Variants in AFF3 observed in about 807,000 individuals in gnomAD.
The protein encoded by AFF3 is ALF transcription elongation factor 3, also known as AF4/FMR2 family member 3.
A neutral mutation model predicts 129.7 loss-of-function variants in AFF3; 32 were observed. The observed-to-expected ratio is 0.25, with a 90% confidence interval of 0.19 to 0.33. AFF3 has a LOEUF of 0.33. Among genes scored for constraint, AFF3 ranks in the 10% least tolerant of loss-of-function variants. The probability of loss-of-function intolerance (pLI) is 1.00; values close to 1 mark genes in which losing one functional copy is unlikely to be tolerated. For missense variants in AFF3, 1,373 were observed against 1,592.0 expected (o/e 0.86, Z 2.34); for synonymous variants, 644 against 635.4 (o/e 1.01, Z -0.20).
intron 7 of AFF3, among the ~76,000 whole-genome samples, chr2:99,993,792 C>CT (rs751882272): frequency 0.025 from 1,812 of 72,576 alleles, 283 homozygotes; most frequent in East Asian, 0.089. Flanking sequence ...AACACTTTAT[C>CT]TTTTTTTTTT....
intron 1 of AFF3, among the ~76,000 whole-genome samples, chr2:100,141,589 T>G: frequency 6.6e-6 from 1 of 152,196 alleles, no homozygotes; most frequent in Admixed American, 6.5e-5. Context: ...CACTTGACCT[T>G]TAGCTACCTG....
At chr2:99,810,029 C>G (rs1686667083) in intron 8 of AFF3, among the ~76,000 whole-genome samples, 2 of 152,146 alleles carry the variant, frequency 1.3e-5, no homozygotes, top group South Asian at 4.1e-4. Context: ...TCTTCAACAC[C>G]TGCACTGGAC....
chr2:100,076,198 G>A (rs974982074), intron 4 of AFF3, among the ~76,000 whole-genome samples: 3 of 152,076 alleles, frequency 2.0e-5, no homozygotes, highest in African/African-American at 4.8e-5. Context: ...TGCTTCTCCC[G>A]AACTCTGCCT....
intron 24 of AFF3, among the ~76,000 whole-genome samples, chr2:99,552,932 TTTTC>T (rs1320954645): frequency 6.6e-6 from 1 of 152,200 alleles, no homozygotes; most frequent in African/African-American, 2.4e-5. Flanking sequence ...AGCGCTTTTC[TTTTC>T]TTTATTTTTT....
chr2:99,591,015 AT>A (rs148857646), intron 15 of AFF3, among the ~76,000 whole-genome samples: 62 of 147,804 alleles, frequency 4.2e-4, no homozygotes, highest in African/African-American at 7.7e-4. Flanking sequence ...AAAAAAAAAA[AT>A]TTTTTTTTCT....
At chr2:99,862,843 C>A (rs528631919) in intron 7 of AFF3, among the ~76,000 whole-genome samples, 2 of 152,228 alleles carry the variant, frequency 1.3e-5, no homozygotes, top group East Asian at 3.8e-4. Context: ...TCCTGTCCCT[C>A]TTTTATTAAG....
intron 4 of AFF3, among the ~76,000 whole-genome samples, chr2:100,103,126 G>A (rs1207355411): frequency 1.3e-5 from 2 of 152,176 alleles, no homozygotes; most frequent in Non-Finnish European, 2.9e-5. Context: ...TTTGTGTCCA[G>A]TTTATTTTGT....
At chr2:99,823,049 T>G (rs1258630485) in intron 8 of AFF3, among the ~76,000 whole-genome samples, 2 of 152,184 alleles carry the variant, frequency 1.3e-5, no homozygotes. Flanking sequence ...CTCCCCTTCA[T>G]GCTTTCCCTC....
chr2:99,556,132 G>C (rs1329908913), intron 22 of AFF3, among the ~76,000 whole-genome samples: 1 of 152,178 alleles, frequency 6.6e-6, no homozygotes. Flanking sequence ...GGGGGTTGCA[G>C]AAACAGTCCA....
intron 7 of AFF3, among the ~76,000 whole-genome samples, chr2:99,910,937 C>T (rs1323841898): frequency 6.6e-6 from 1 of 152,236 alleles, no homozygotes; most frequent in African/African-American, 2.4e-5. Context: ...AATTAAGACT[C>T]TACAATGCCT....
At chr2:99,659,577 G>C (rs906829288) in intron 12 of AFF3, among the ~76,000 whole-genome samples, 1 of 152,106 alleles carries the variant, frequency 6.6e-6, no homozygotes, top group South Asian at 2.1e-4. Flanking sequence ...TACAATTTTA[G>C]GGGAAAAAAT....
intron 7 of AFF3, among the ~76,000 whole-genome samples, chr2:99,948,300 G>A (rs1162097211): frequency 6.6e-6 from 1 of 152,060 alleles, no homozygotes; most frequent in African/African-American, 2.4e-5. Flanking sequence ...CTCAGTTCCT[G>A]CAAAACTCAC....
At chr2:99,682,190 A>G (rs1674599206) in intron 11 of AFF3, among the ~76,000 whole-genome samples, 1 of 152,116 alleles carries the variant, frequency 6.6e-6, no homozygotes, top group Admixed American at 6.6e-5. Context: ...TACAGGTGTG[A>G]GCCACCACAC....
chr2:100,129,520 A>T (rs1353560659), intron 1 of AFF3, among the ~76,000 whole-genome samples: 1 of 152,032 alleles, frequency 6.6e-6, no homozygotes, highest in Admixed American at 6.6e-5. Context: ...CCTGTGTTAC[A>T]TGCATGCTTT....
intron 11 of AFF3, among the ~76,000 whole-genome samples, chr2:99,720,671 T>C (rs1028969386): frequency 3.3e-5 from 5 of 152,226 alleles, no homozygotes; most frequent in African/African-American, 1.2e-4. Context: ...TTACTATTTT[T>C]CAATTTGTTT....
At chr2:99,621,592 G>T (rs1682020644) in intron 13 of AFF3, among the ~76,000 whole-genome samples, 1 of 152,208 alleles carries the variant, frequency 6.6e-6, no homozygotes, top group Admixed American at 6.5e-5. Flanking sequence ...GTGTGGTGGG[G>T]ACAGAAGGCA....
intron 4 of AFF3, among the ~76,000 whole-genome samples, chr2:100,071,323 T>C (rs1416095536): frequency 6.6e-6 from 1 of 152,186 alleles, no homozygotes; most frequent in Non-Finnish European, 1.5e-5. Context: ...GAGATATCTT[T>C]TACACGAAAG....
At chr2:100,033,023 T>C (rs1684633612) in intron 4 of AFF3, among the ~76,000 whole-genome samples, 1 of 152,236 alleles carries the variant, frequency 6.6e-6, no homozygotes, top group Admixed American at 6.5e-5. Flanking sequence ...TTTTCATACA[T>C]GTTTTGGAAT....
chr2:100,119,377 T>G (rs569836940), intron 2 of AFF3, among the ~76,000 whole-genome samples: 2 of 152,286 alleles, frequency 1.3e-5, no homozygotes, highest in East Asian at 3.9e-4. Context: ...TCCTGCTAAT[T>G]CCCACTGTTG....
Sources: allele counts gnomAD v4.1 joint callset (sites outside exome capture counted in the v4.1 genomes callset), GRCh38; gene constraint gnomAD v4.1.1; transcripts MANE v1.5; gene names NCBI Gene and HGNC (gene_info 2026-07-23, HGNC 2026-07-21).